Variants in MYO15A observed in about 807,000 individuals in gnomAD.
MYO15A encodes the protein myosin XVA, also known as unconventional myosin-XV.
Under a neutral mutation model 394.6 loss-of-function variants are expected in MYO15A, and 308 were observed. The ratio of observed to expected loss-of-function variants is 0.78; its 90% CI spans 0.71 to 0.86. The LOEUF is 0.86. Ranked by LOEUF, MYO15A falls within the 40% of genes least tolerant of loss-of-function variation. MYO15A has a pLI of 0.00. For synonymous variants in MYO15A, 1,957 were observed against 2,003.8 expected (o/e 0.98, Z 0.62); for missense variants, 4,606 against 4,799.1 (o/e 0.96, Z 1.19).
At chr17:18,133,607 T>G (rs1455012948) in intron 12 of MYO15A, among the ~76,000 whole-genome samples, 1 of 152,200 alleles carries the variant, frequency 6.6e-6, no homozygotes, top group Non-Finnish European at 1.5e-5. Flanking sequence ...TATTCCAGTT[T>G]GTCATTTATG....
chr17:18,158,490 G>A (rs748736370), intron 51 of MYO15A, 33 bp from the exon 52 acceptor site: 1 of 1,595,570 alleles, frequency 6.3e-7, no homozygotes, highest in Admixed American at 1.7e-5. Flanking sequence ...GGTGTGGCCG[G>A]ACTGGGCCTT....
Position 18,167,722 on chromosome 17 carries a change from G to T in MYO15A, c.10081G>T (p.Val3361Leu). The T allele has an allele frequency of 2.5e-6, 4 of 1,602,940 alleles. No individual in the cohort carries two copies. The highest frequency in any genetic ancestry group is 2.5e-6 in the Non-Finnish European group (3 of 1,179,948). ...CAAGGACCACTTCTACCTGCCGAGCGTGTGAGCATCTGCCCTCCTGCCTCA... is the reference window on the plus strand; with the variant it reads ...CAAGGACCACTTCTACCTGCCGAGCTTGTGAGCATCTGCCCTCCTGCCTCA... ...RAKDHFYLPS[V>L]REVQEYIPAQ... Residue 3361 changes from valine to leucine, a missense_variant and splice_region_variant, in exon 62 of 66, where the codon GTG becomes TTG. This residue lies in a region of MYO15A where 2,776 missense variants were observed against 3,109.3 expected (regional missense o/e 0.89). Coordinates refer to ENST00000647165, the MANE Select transcript of MYO15A (RefSeq NM_016239.4).
At chr17:18,175,568 G>A (rs141746713) in intron 65 of MYO15A, among the ~76,000 whole-genome samples, 2 of 152,040 alleles carry the variant, frequency 1.3e-5, no homozygotes, top group African/African-American at 2.4e-5. Context: ...AGGGAGGGGC[G>A]TACATGTGTA....
Position 18,122,120 on chromosome 17 carries a change from G to A in MYO15A, c.3320G>A (p.Arg1107His), listed in dbSNP as rs746368529. The A allele has an allele frequency of 5.0e-6, 8 of 1,612,800 alleles. No individual in the cohort carries two copies. Among genetic ancestry groups the A allele is most frequent in the African/African-American group, 4.0e-5 (3 of 74,942 alleles). ...PEPLPKGGER[R>H]QAAPGRFAVV... ...CCCCTGCCCAAGGGGGGTGAACGGCGCCAGGCAGCCCCTGGGCGTTTTGCT... is the reference window on the plus strand; with the variant it reads ...CCCCTGCCCAAGGGGGGTGAACGGCACCAGGCAGCCCCTGGGCGTTTTGCT... Residue 1107 changes from arginine to histidine, a missense_variant, in exon 2 of 66, where the codon CGC becomes CAC. Around this residue, in one of 2 missense-constraint regions of MYO15A, gnomAD observed 1,830 missense variants for 1,689.7 expected, o/e 1.08. Coordinates refer to ENST00000647165, the MANE Select transcript of MYO15A (RefSeq NM_016239.4).
At chr17:18,174,119 A>C (rs545253863) in intron 65 of MYO15A, among the ~76,000 whole-genome samples, 198 bp downstream of exon 65, 24 of 152,194 alleles carry the variant, frequency 1.6e-4, no homozygotes, top group Non-Finnish European at 3.4e-4. Flanking sequence ...GGAACACAGG[A>C]AAGGGCAGTA....
intron 1 of MYO15A, among the ~76,000 whole-genome samples, chr17:18,114,382 G>A (rs1287420670): frequency 6.6e-6 from 1 of 151,216 alleles, no homozygotes; most frequent in Non-Finnish European, 1.5e-5. Context: ...CTCCTGAGTA[G>A]CTGCAATTAC....
At chr17:18,168,542 G>A (rs1418332423) in intron 62 of MYO15A, among the ~76,000 whole-genome samples, 1 of 150,626 alleles carries the variant, frequency 6.6e-6, no homozygotes, top group South Asian at 2.1e-4. Context: ...CACTCCAACC[G>A]GGGTGACAGA....
intron 12 of MYO15A, among the ~76,000 whole-genome samples, chr17:18,134,330 A>G (rs1224020699): frequency 2.0e-5 from 3 of 152,164 alleles, no homozygotes; most frequent in African/African-American, 4.8e-5. Context: ...TTATTTTTAG[A>G]TAGTTCATTT....
At chr17:18,154,019 A>C in intron 43 of MYO15A, 112 bp from the exon 44 acceptor site, 1 of 1,604,044 alleles carries the variant, frequency 6.2e-7, no homozygotes, top group South Asian at 1.1e-5. Flanking sequence ...GCCGGGCTGA[A>C]ACCAGGGGTG....
At chr17:18,169,970 CAA>C (rs202026399) in intron 62 of MYO15A, among the ~76,000 whole-genome samples, 11,408 of 57,714 alleles carry the variant, frequency 0.2, 150 homozygotes, top group African/African-American at 0.22. Context: ...GACCCTGTCT[CAA>C]AAAAAAAAAA....
intron 64 of MYO15A, 179 bp downstream of exon 64, chr17:18,172,469 TAA>T: frequency 9.9e-7 from 1 of 1,011,110 alleles, no homozygotes; most frequent in Non-Finnish European, 1.5e-6. Context: ...AAAATGAGGA[TAA>T]GAGTTGAGCC....
chr17:18,140,927 G>T lies in MYO15A; in HGVS notation c.5407-92G>T, dbSNP rs970086438. The T allele has an allele frequency of 1.1e-5, 17 of 1,611,160 alleles. No homozygotes were observed. In the African/African-American group the frequency reaches 1.2e-4, roughly 11 times the overall value. On this transcript the variant is annotated intron_variant, in intron 21 of 65. Transcript: ENST00000647165. ...GCTTGGCCTCTCAGGACCTGCATCT[G>T]CCCAGCCTAGCACTGGGAATATTCA...
chr17:18,140,867 T>C, intron 21 of MYO15A, 35 bp downstream of exon 21: 1 of 1,613,742 alleles, frequency 6.2e-7, no homozygotes, highest in Non-Finnish European at 8.5e-7. Context: ...GAGAGCCAAA[T>C]CCTCCTGCCC....
At position 18,167,717 on chromosome 17, in the gene MYO15A, C is replaced by T. The variant is rs201763265; in HGVS notation, c.10076C>T (p.Pro3359Leu). Reference protein sequence around the residue: ...QHRAKDHFYLPSVREVQEYIP... With the variant: ...QHRAKDHFYLLSVREVQEYIP... ...CGCGCCAAGGACCACTTCTACCTGCCGAGCGTGTGAGCATCTGCCCTCCTG... is the reference window on the plus strand; with the variant it reads ...CGCGCCAAGGACCACTTCTACCTGCTGAGCGTGTGAGCATCTGCCCTCCTG... Residue 3359 changes from proline (P) to leucine (L), a missense_variant, in exon 62 of 66, where the codon CCG (proline) becomes CTG (leucine). Around this residue, in one of 2 missense-constraint regions of MYO15A, gnomAD observed 2,776 missense variants for 3,109.3 expected, o/e 0.89. Transcript: ENST00000647165. The T allele has an allele frequency of 2.1e-4, 332 of 1,603,230 alleles. No homozygotes were observed. The highest frequency in any genetic ancestry group is 5.3e-4 in the African/African-American group (40 of 75,068).
At chr17:18,142,296 C>G in intron 24 of MYO15A, 42 bp downstream of exon 24, 2 of 1,594,508 alleles carry the variant, frequency 1.3e-6, no homozygotes. Context: ...GACCTATGGT[C>G]AGGCTCGGGA....
At chr17:18,173,971 G>T (rs1157228335) in intron 65 of MYO15A, 50 bp downstream of exon 65, 1 of 1,591,128 alleles carries the variant, frequency 6.3e-7, no homozygotes, top group Admixed American at 1.8e-5. Flanking sequence ...CCTTCTCTGG[G>T]CCTGGCTCCA....
chr17:18,141,459 T>C (rs1203536699), intron 22 of MYO15A, among the ~76,000 whole-genome samples, 194 bp from the exon 23 acceptor site: 1 of 152,248 alleles, frequency 6.6e-6, no homozygotes, highest in Non-Finnish European at 1.5e-5. Context: ...TCATCTATTA[T>C]AACAATTGTC....
chr17:18,130,795 G>A lies in MYO15A; in HGVS notation c.4033-10G>A, dbSNP rs1412161040. ...TGTCTCTTTGTCCTCCCTCCTGGACGCTCTTGAAGATAAAGGTACTCAGTG... is the reference window on the plus strand; with the variant it reads ...TGTCTCTTTGTCCTCCCTCCTGGACACTCTTGAAGATAAAGGTACTCAGTG... On this transcript the variant is annotated splice_polypyrimidine_tract_variant and intron_variant, in intron 7 of 65. Coordinates refer to ENST00000647165, the MANE Select transcript of MYO15A (RefSeq NM_016239.4). 8 of 1,594,714 alleles carry A rather than the reference G, an allele frequency of 5.0e-6. No homozygotes were observed. The highest frequency in any genetic ancestry group is 2.2e-5 in the South Asian group (2 of 90,714).
Position 18,173,832 on chromosome 17 carries a change from C to G in MYO15A, c.10402C>G (p.Arg3468Gly). 1 of 1,613,332 alleles carries G rather than the reference C, an allele frequency of 6.2e-7. No individual in the cohort carries two copies. Among genetic ancestry groups the G allele is most frequent in the Non-Finnish European group, 8.5e-7 (1 of 1,179,484 alleles). ...LKEIQSTRTQ[R>G]PTANSSYPYV... The stretch of plus-strand genomic sequence containing the variant: ...GGAGATCCAGTCGACGCGGACCCAG[C>G]GGCCCACGGCCAACTCCAGCTACCC... Residue 3468 changes from arginine to glycine, a missense_variant, in exon 65 of 66, where the codon CGG becomes GGG. Arg to Gly is a moderately radical substitution (Grantham distance 125). This residue lies in a region of MYO15A where 2,776 missense variants were observed against 3,109.3 expected (regional missense o/e 0.89). Coordinates refer to ENST00000647165, the MANE Select transcript of MYO15A (RefSeq NM_016239.4).
Sources: gnomAD v4.1 joint callset for allele counts (sites outside exome capture counted in the v4.1 genomes callset) on GRCh38, gnomAD v4.1.1 for gene constraint, gnomAD v4.1.1 regional missense constraint, MANE v1.5 for transcripts, NCBI Gene and HGNC (gene_info 2026-07-23, HGNC 2026-07-21) for gene names.